Variants in NRXN1 observed in about 807,000 individuals in gnomAD.
NRXN1 encodes the protein neurexin 1.
Under a neutral mutation model 150.9 loss-of-function variants are expected in NRXN1, and 39 were observed. That is an observed-to-expected ratio of 0.26 (90% CI 0.20 to 0.34). The LOEUF (loss-of-function observed/expected upper bound fraction) is 0.34, where lower values mean the gene tolerates loss of function less well. Among genes scored for constraint, NRXN1 ranks in the 10% least tolerant of loss-of-function variants. The pLI is 1.00. For synonymous variants in NRXN1, 924 were observed against 757.0 expected (o/e 1.22, Z -3.62); for missense variants, 1,815 against 1,949.9 (o/e 0.93, Z 1.30).
chr2:50,194,841 TG>T (rs2061660463), intron 18 of NRXN1, among the ~76,000 whole-genome samples: 1 of 152,198 alleles, frequency 6.6e-6, no homozygotes, highest in Non-Finnish European at 1.5e-5. Context: ...TTGAGTGATC[TG>T]TCATTTTTCT....
intron 5 of NRXN1, among the ~76,000 whole-genome samples, chr2:50,652,900 C>T (rs1319129931): frequency 6.6e-6 from 1 of 152,056 alleles, no homozygotes; most frequent in Non-Finnish European, 1.5e-5. Flanking sequence ...GAAGTGTTAT[C>T]TTGTGGTTTT....
chr2:50,046,088 A>G (rs1014008718), intron 21 of NRXN1, among the ~76,000 whole-genome samples: 1 of 152,226 alleles, frequency 6.6e-6, no homozygotes, highest in Non-Finnish European at 1.5e-5. Flanking sequence ...ACTGGGGAAC[A>G]GACACAAGAA....
intron 8 of NRXN1, among the ~76,000 whole-genome samples, chr2:50,587,993 T>C (rs58360011): frequency 0.035 from 5,273 of 152,260 alleles, 287 homozygotes; most frequent in African/African-American, 0.12. Context: ...TGTGAGTGCC[T>C]ATTATATTCT....
At chr2:50,751,960 A>G (rs967631455) in intron 5 of NRXN1, among the ~76,000 whole-genome samples, 3 of 151,900 alleles carry the variant, frequency 2.0e-5, no homozygotes, top group African/African-American at 7.2e-5. Context: ...AAGAATCAGG[A>G]AAGAGTTATT....
intron 8 of NRXN1, among the ~76,000 whole-genome samples, chr2:50,553,275 A>G (rs1667787629): frequency 6.6e-6 from 1 of 152,242 alleles, no homozygotes; most frequent in Admixed American, 6.5e-5. Flanking sequence ...TATACACACA[A>G]ACTGCTTGTA....
intron 17 of NRXN1, among the ~76,000 whole-genome samples, chr2:50,303,507 T>G (rs531971378): frequency 2.2e-4 from 34 of 152,328 alleles, no homozygotes; most frequent in African/African-American, 7.0e-4. Context: ...GCATTACTCA[T>G]GACTTGTGTA....
chr2:50,602,445 G>C (rs1046406987), intron 8 of NRXN1, among the ~76,000 whole-genome samples: 1 of 150,636 alleles, frequency 6.6e-6, no homozygotes, highest in Non-Finnish European at 1.5e-5. Flanking sequence ...TTAAGTTTCA[G>C]TTTTGTTTAT....
intron 2 of NRXN1, among the ~76,000 whole-genome samples, chr2:50,955,815 T>C (rs543849010): frequency 1.1e-4 from 16 of 152,278 alleles, no homozygotes; most frequent in African/African-American, 3.6e-4. Flanking sequence ...TAGAAAGTGT[T>C]TGATAATTAC....
intron 5 of NRXN1, among the ~76,000 whole-genome samples, chr2:50,860,236 C>A (rs574188719): frequency 6.6e-6 from 1 of 151,110 alleles, no homozygotes; most frequent in Non-Finnish European, 1.5e-5. Flanking sequence ...ACTGTCCTGA[C>A]ATAAACAAGA....
At chr2:50,857,981 G>C (rs993284361) in intron 5 of NRXN1, among the ~76,000 whole-genome samples, 3 of 151,976 alleles carry the variant, frequency 2.0e-5, no homozygotes, top group Non-Finnish European at 4.4e-5. Context: ...GTGCTTTCAG[G>C]TGTTTTGGTT....
intron 2 of NRXN1, among the ~76,000 whole-genome samples, chr2:50,973,940 G>A (rs1695419275): frequency 1.3e-5 from 2 of 151,998 alleles, no homozygotes; most frequent in Non-Finnish European, 2.9e-5. Flanking sequence ...CATGTAATGT[G>A]AGAGTACAGA....
At chr2:50,173,997 A>G (rs1236841075) in intron 18 of NRXN1, among the ~76,000 whole-genome samples, 1 of 152,118 alleles carries the variant, frequency 6.6e-6, no homozygotes. Context: ...ATCCTACCAC[A>G]AGTCCTCCCT....
chr2:49,961,248 C>G (rs949021483), intron 21 of NRXN1, among the ~76,000 whole-genome samples: 4 of 151,838 alleles, frequency 2.6e-5, no homozygotes, highest in African/African-American at 9.7e-5. Flanking sequence ...AGCTACCAAA[C>G]CCTGGCAGCT....
In NRXN1 at chr2:50,626,416, G is replaced by C. The variant is rs560455776; in HGVS notation, c.833-2801C>G. Among the ~76,000 whole-genome samples, 3 of 152,050 alleles carry C rather than the reference G, an allele frequency of 2.0e-5. No homozygotes were observed. The South Asian group carries it at 6.2e-4, about 32-fold the overall frequency. ...ACAAAATTATAGTGCTGAAGAAAAT[G>C]CATTAGGATAGGTAAAATGAGGAGA... On this transcript the variant is annotated intron_variant, in intron 5 of 22. Transcript: ENST00000401669.
At chr2:51,024,359 T>G (rs987644336) in intron 2 of NRXN1, among the ~76,000 whole-genome samples, 26 of 150,808 alleles carry the variant, frequency 1.7e-4, no homozygotes, top group Admixed American at 1.7e-3. Context: ...CATTTTTACG[T>G]TTTTTTTTCC....
intron 19 of NRXN1, among the ~76,000 whole-genome samples, chr2:50,080,064 T>C (rs189944625): frequency 9.5e-4 from 144 of 152,224 alleles, no homozygotes; most frequent in African/African-American, 3.3e-3. Context: ...TCCCACTCTG[T>C]CCCTCATGAC....
intron 5 of NRXN1, among the ~76,000 whole-genome samples, chr2:50,825,743 C>G (rs548968886): frequency 1.3e-5 from 2 of 152,330 alleles, no homozygotes; most frequent in African/African-American, 4.8e-5. Context: ...TACAGCCAGT[C>G]AGTCAAAACC....
chr2:49,958,438 A>G (rs1675353675), intron 21 of NRXN1, among the ~76,000 whole-genome samples: 1 of 152,054 alleles, frequency 6.6e-6, no homozygotes, highest in Non-Finnish European at 1.5e-5. Context: ...TGTCTCACTC[A>G]ATTCTGACAT....
At chr2:50,719,297 C>G (rs970734664) in intron 5 of NRXN1, among the ~76,000 whole-genome samples, 1 of 151,324 alleles carries the variant, frequency 6.6e-6, no homozygotes, top group Non-Finnish European at 1.5e-5. Context: ...ATTGTTTGGT[C>G]AGTATCATCA....
Sources: allele counts gnomAD v4.1 joint callset (sites outside exome capture counted in the v4.1 genomes callset), GRCh38; gene constraint gnomAD v4.1.1; transcripts MANE v1.5; gene names NCBI Gene and HGNC (gene_info 2026-07-23, HGNC 2026-07-21).